Variants in BLVRB observed in about 807,000 individuals in gnomAD.
BLVRB encodes flavin reductase (NADPH).
In BLVRB, 25 loss-of-function variants were observed where a neutral mutation model predicts 21.1. The ratio of observed to expected loss-of-function variants is 1.19; its 90% CI spans 0.86 to 1.66. BLVRB has a LOEUF of 1.66. Ranked by LOEUF, BLVRB falls within the 40% of genes most tolerant of loss-of-function variation. The probability of loss-of-function intolerance (pLI) is 0.00; values close to 1 mark genes in which losing one functional copy is unlikely to be tolerated. For missense variants in BLVRB, 274 were observed against 282.7 expected, an observed-to-expected ratio of 0.97 and a Z score of 0.22; for synonymous variants, 128 against 122.2, an observed-to-expected ratio of 1.05 and a Z score of -0.31.
At chr19:40,451,574 C>T in intron 3 of BLVRB, 82 bp from the exon 4 acceptor site, 1 of 1,430,220 alleles carries the variant, frequency 7.0e-7, no homozygotes. Context: ...CGCTTTGTCA[C>T]CCAGGCTGAG....
rs2079772307 is a variant in BLVRB, at chr19:40,458,441, C to T, written c.184G>A (p.Asp62Asn). The T allele has an allele frequency of 6.3e-7, 1 of 1,597,392 alleles. No individual in the cohort carries two copies. Among genetic ancestry groups the T allele is most frequent in the Admixed American group, 1.7e-5 (1 of 57,656 alleles). Residue 62 changes from aspartate (D) to asparagine (N), a missense_variant, in exon 2 of 5, where the codon GAC (aspartate) becomes AAC (asparagine). Asp to Asn is a conservative substitution (Grantham distance 23, BLOSUM62 1). Transcript: ENST00000263368. ...GCGTCCTGCCCAGCCACGGTCTTGT[C>T]CACATCGGCTGCCTGCAGAACATCT... ...VGDVLQAADV[D>N]KTVAGQDAVI...
In BLVRB at chr19:40,448,066, G is replaced by A. The variant is rs2079722133; in HGVS notation, c.464-20C>T. On this transcript the variant is annotated intron_variant, in intron 4 of 4. Transcript: ENST00000263368. ...GGTCTCCTATGAAGTAAAGACAAGAGGGGCTGGATAAAGCAGACACCTTTC... is the reference window on the plus strand; with the variant it reads ...GGTCTCCTATGAAGTAAAGACAAGAAGGGCTGGATAAAGCAGACACCTTTC... 2 of 1,603,706 alleles carry A rather than the reference G, an allele frequency of 1.2e-6. No homozygotes were observed.
chr19:40,463,929 G>A (rs1454978955), intron 1 of BLVRB, among the ~76,000 whole-genome samples: 2 of 151,700 alleles, frequency 1.3e-5, no homozygotes, highest in East Asian at 1.9e-4. Flanking sequence ...CACCATGCCC[G>A]GCTAATTTTT....
chr19:40,448,855 G>T (rs1236022701), intron 4 of BLVRB, among the ~76,000 whole-genome samples: 1 of 151,882 alleles, frequency 6.6e-6, no homozygotes, highest in African/African-American at 2.4e-5. Flanking sequence ...ACTTCGGGAG[G>T]CCAAGGTGGG....
chr19:40,447,910 G>A lies in BLVRB; in HGVS notation c.600C>T (p.Tyr200=), dbSNP rs2145775162. The part of the protein sequence containing the change: ...TTDEYDGHST[Y]PSHQYQ ...AGTGCTACTGGTACTGGTGGGAGGG[G>A]TAGGTGCTGTGTCCGTCGTACTCAT... The change falls in exon 5 of 5, where the codon TAC becomes TAT. Residue 200 remains tyrosine, a synonymous_variant. Coordinates refer to ENST00000263368, the MANE Select transcript of BLVRB (RefSeq NM_000713.3). 3 of 1,614,032 alleles carry A rather than the reference G, an allele frequency of 1.9e-6. No homozygotes were observed. The highest frequency in any genetic ancestry group is 2.5e-6 in the Non-Finnish European group (3 of 1,179,968).
At chr19:40,452,105 C>T (rs41357045) in intron 3 of BLVRB, among the ~76,000 whole-genome samples, 7,279 of 152,212 alleles carry the variant, frequency 0.048, 251 homozygotes, top group African/African-American at 0.084. Context: ...ACACCCCTAT[C>T]AGTTCACATC....
rs1599693613 is a variant in BLVRB, at chr19:40,465,618, A to C, written c.71T>G (p.Val24Gly). 1 of 1,611,606 alleles carries C rather than the reference A, an allele frequency of 6.2e-7. No individual in the cohort carries two copies. The highest frequency in any genetic ancestry group is 8.5e-7 in the Non-Finnish European group (1 of 1,179,592). The change falls in exon 1 of 5, where the codon GTG becomes GGG. Residue 24 changes from valine to glycine, a missense_variant. Coordinates refer to ENST00000263368, the MANE Select transcript of BLVRB (RefSeq NM_000713.3). ...CCCGCCCCGGCTCATGCCTGCTTGC[A>C]CCGCCTGCGCCAGGGTGGTGAGCCC... ...QTGLTTLAQA[V>G]QAGYEVTVLV... is the part of the protein sequence containing the mutation.
chr19:40,454,694 C>T (rs1041957005), intron 3 of BLVRB, among the ~76,000 whole-genome samples: 39 of 151,962 alleles, frequency 2.6e-4, no homozygotes, highest in African/African-American at 8.0e-4. Flanking sequence ...TATAGGCACC[C>T]GCCGCCACGC....
At chr19:40,460,841 G>A (rs1320631850) in intron 1 of BLVRB, among the ~76,000 whole-genome samples, 3 of 151,992 alleles carry the variant, frequency 2.0e-5, no homozygotes, top group African/African-American at 7.2e-5. Context: ...GCATGGTGGT[G>A]CATGCCTGTA....
intron 4 of BLVRB, among the ~76,000 whole-genome samples, chr19:40,449,657 A>G (rs1028772966): frequency 6.6e-6 from 1 of 152,164 alleles, no homozygotes; most frequent in African/African-American, 2.4e-5. Flanking sequence ...CTTTTAGGAG[A>G]TGGCTGTCTA....
rs45558132 is a variant in BLVRB, at chr19:40,458,371, G to T, written c.244+10C>A. On this transcript the variant is annotated intron_variant, in intron 2 of 4. Transcript: ENST00000263368. ...AGGGGAGGGCCGTGGGCAGAGGGGGGGCTCAGTACTGAGGTCATTGCGGGT... is the reference window on the plus strand; with the variant it reads ...AGGGGAGGGCCGTGGGCAGAGGGGGTGCTCAGTACTGAGGTCATTGCGGGT... 2.7e-5 allele frequency: 42 copies of T among 1,566,718 alleles called. No homozygotes were observed. In the South Asian group the frequency reaches 4.5e-4, roughly 17 times the overall value.
intron 3 of BLVRB, among the ~76,000 whole-genome samples, chr19:40,456,595 A>G (rs1391530502): frequency 6.6e-6 from 1 of 152,182 alleles, no homozygotes; most frequent in Non-Finnish European, 1.5e-5. Flanking sequence ...GGTTTTTAAG[A>G]CATGGGAGAG....
At chr19:40,458,956 G>A (rs2079774826) in intron 1 of BLVRB, among the ~76,000 whole-genome samples, 1 of 151,794 alleles carries the variant, frequency 6.6e-6, no homozygotes, top group Admixed American at 6.6e-5. Context: ...GCCTCCCCAT[G>A]AGCCACTGCG....
Position 40,464,827 on chromosome 19 carries a change from C to T in BLVRB, c.79+783G>A, listed in dbSNP as rs187819920. Among the ~76,000 whole-genome samples, 6 of 152,230 alleles carry T rather than the reference C, an allele frequency of 3.9e-5. No homozygotes were observed. The East Asian group carries it at 1.2e-3, about 29-fold the overall frequency. On this transcript the variant is annotated intron_variant, in intron 1 of 4. Coordinates refer to ENST00000263368, the MANE Select transcript of BLVRB (RefSeq NM_000713.3). Reference sequence around the variant, plus strand: ...GCAGATAGTCAATATCTTCAGCGTCCCCAAGGCCTGCAAGGGTGGGGCCCC... The same window carrying T: ...GCAGATAGTCAATATCTTCAGCGTCTCCAAGGCCTGCAAGGGTGGGGCCCC...
chr19:40,456,147 G>A (rs557448523), intron 3 of BLVRB, among the ~76,000 whole-genome samples: 14 of 152,156 alleles, frequency 9.2e-5, no homozygotes, highest in Non-Finnish European at 1.6e-4. Context: ...AAGCAGCCAT[G>A]ATGTATGTAA....
In BLVRB at chr19:40,458,314, G is replaced by A. The variant is rs1297770704; in HGVS notation, c.244+67C>T. ...CGGCAGGGGTGGCAGGGGCGGGGCC[G>A]GGGGCGGGGGTGGCGCTGGGGGCCG... On this transcript the variant is annotated intron_variant, in intron 2 of 4. Transcript: ENST00000263368. 28 of 1,513,866 alleles carry A rather than the reference G, an allele frequency of 1.8e-5. 1 individual carries two copies. The highest frequency in any genetic ancestry group is 9.8e-5 in the South Asian group (8 of 81,296). 93.8% of individuals were successfully genotyped at this position (1,513,866 alleles called of 1,614,324 possible).
chr19:40,448,177 G>A, intron 4 of BLVRB, 131 bp from the exon 5 acceptor site: 1 of 903,414 alleles, frequency 1.1e-6, no homozygotes, highest in Non-Finnish European at 1.7e-6. Context: ...GCCAAGAATG[G>A]ACTTTCCATA....
chr19:40,458,661 G>A (rs2079773713), intron 1 of BLVRB, 116 bp from the exon 2 acceptor site: 1 of 1,311,950 alleles, frequency 7.6e-7, no homozygotes, highest in African/African-American at 1.5e-5. Flanking sequence ...CTGTTCTGGG[G>A]AAGTGGTCTT....
intron 1 of BLVRB, among the ~76,000 whole-genome samples, chr19:40,462,892 CAAAAAAAAAAAA>C (rs56923063): frequency 2.0e-5 from 1 of 49,866 alleles, no homozygotes; most frequent in Non-Finnish European, 3.4e-5. Flanking sequence ...ACTCTTGTCT[CAAAAAAAAAAAA>C]AAAAAAAAAA....
Sources: allele counts gnomAD v4.1 joint callset (sites outside exome capture counted in the v4.1 genomes callset), GRCh38; gene constraint gnomAD v4.1.1; transcripts MANE v1.5; gene names NCBI Gene and HGNC (gene_info 2026-07-23, HGNC 2026-07-21).